Variants in GANAB observed in about 807,000 individuals in gnomAD.
GANAB encodes glucosidase II alpha subunit, also known as neutral alpha-glucosidase AB.
A neutral mutation model predicts 129.9 loss-of-function variants in GANAB; 35 were observed. That is an observed-to-expected ratio of 0.27 (90% CI 0.21 to 0.36). The LOEUF is 0.36. Ranked by LOEUF, GANAB falls within the 10% of genes least tolerant of loss-of-function variation. The pLI is 1.00. For missense variants in GANAB, 939 were observed against 1,221.0 expected (o/e 0.77, Z 3.44); for synonymous variants, 482 against 451.8 (o/e 1.07, Z -0.85).
intron 13 of GANAB, 119 bp downstream of exon 13, chr11:62,630,078 C>T (rs1160225928): frequency 3.1e-6 from 4 of 1,298,348 alleles, no homozygotes; most frequent in Non-Finnish European, 4.4e-6. Context: ...CTCCCCGGAT[C>T]ATCAAGGCCC....
intron 1 of GANAB, among the ~76,000 whole-genome samples, chr11:62,646,326 G>A (rs1266136250): frequency 2.6e-5 from 4 of 152,256 alleles, no homozygotes; most frequent in Non-Finnish European, 5.9e-5. Flanking sequence ...AAGACGCACA[G>A]CTGTGGCTTT....
At chr11:62,628,707 C>T in intron 17 of GANAB, 62 bp downstream of exon 17, 1 of 1,561,142 alleles carries the variant, frequency 6.4e-7, no homozygotes, top group South Asian at 1.1e-5. Context: ...AGAGATGAAG[C>T]CCAGTCCCTA....
chr11:62,625,820 G>A lies in GANAB; in HGVS notation c.2830C>T (p.Arg944Ter), dbSNP rs781470089. 17 of 1,585,896 alleles carry A rather than the reference G, an allele frequency of 1.1e-5. No individual in the cohort carries two copies. Among genetic ancestry groups the A allele is most frequent in the African/African-American group, 4.0e-5 (3 of 74,348 alleles). ...NVASDWSIHL[R>*] is the part of the protein sequence containing the mutation. ...AACCCAGAACATCCCTTGGGTTATC[G>A]CAGGTGAATACTCCAATCAGATGCC... The change falls in exon 24 of 24, where the codon CGA becomes TGA. Residue 944 changes from arginine (R) to a stop codon, truncating the protein, a stop_gained. Coordinates refer to ENST00000356638, the MANE Select transcript of GANAB (RefSeq NM_198334.3). LOFTEE classifies it high-confidence loss of function.
Position 62,630,281 on chromosome 11 carries a change from G to A in GANAB, c.1514-5C>T, listed in dbSNP as rs1244218630. On this transcript the variant is annotated splice_region_variant and splice_polypyrimidine_tract_variant and intron_variant, in intron 12 of 23. Coordinates refer to ENST00000356638, the MANE Select transcript of GANAB (RefSeq NM_198334.3). ...AGTCAGGGTAACCAGCTGAGCCTGGGAGAAGTTAAGGGTGGCTCTCAATCC... is the reference window on the plus strand; with the variant it reads ...AGTCAGGGTAACCAGCTGAGCCTGGAAGAAGTTAAGGGTGGCTCTCAATCC... 6.2e-7 allele frequency: 1 copy of A among 1,613,344 alleles called. No homozygotes were observed. The highest frequency in any genetic ancestry group is 8.5e-7 in the Non-Finnish European group (1 of 1,179,522).
intron 6 of GANAB, 30 bp downstream of exon 6, chr11:62,633,415 T>C (rs765344113): frequency 6.2e-7 from 1 of 1,609,732 alleles, no homozygotes; most frequent in Admixed American, 1.7e-5. Flanking sequence ...GCCAGCCCTA[T>C]CCTCCAACCA....
At chr11:62,633,329 C>T in intron 6 of GANAB, 58 bp from the exon 7 acceptor site, 1 of 1,549,516 alleles carries the variant, frequency 6.5e-7, no homozygotes, top group Non-Finnish European at 8.9e-7. Flanking sequence ...TTTCCCCGCT[C>T]CCATCAACTA....
chr11:62,639,004 A>C lies in GANAB; in HGVS notation c.359T>G (p.Val120Gly). 2.5e-6 allele frequency: 4 copies of C among 1,614,112 alleles called. No individual in the cohort carries two copies. The highest frequency in any genetic ancestry group is 3.4e-6 in the Non-Finnish European group (4 of 1,179,978). The change falls in exon 4 of 24, where the codon GTG becomes GGG. Residue 120 changes from valine (V) to glycine (G), a missense_variant. Physicochemically the swap from Val to Gly is moderately radical, Grantham distance 109. This residue lies in a region of GANAB where 321 missense variants were observed against 329.1 expected (regional missense o/e 0.98). Transcript: ENST00000356638. ...RPRYRVPDVL[V>G]ADPPIARLSV... ...TTACCGGGCTATTGGTGGATCAGCCACCAAAACATCTGGTACACGGTATCG... is the reference window on the plus strand; with the variant it reads ...TTACCGGGCTATTGGTGGATCAGCCCCCAAAACATCTGGTACACGGTATCG...
Position 62,640,316 on chromosome 11 carries a change from G to A in GANAB, c.39-585C>T, listed in dbSNP as rs1312378270. On this transcript the variant is annotated intron_variant, in intron 1 of 23. Transcript: ENST00000356638. ...TGGGAGGCTGAAGTGGGCGGATCAC[G>A]AGGTCAGGAGATCGAGACCATCCTG... Among the ~76,000 whole-genome samples the A allele has an allele frequency of 6.8e-5, 10 of 147,780 alleles. No individual in the cohort carries two copies. In the East Asian group the frequency reaches 1.6e-3, roughly 24 times the overall value.
intron 1 of GANAB, among the ~76,000 whole-genome samples, chr11:62,645,825 G>T (rs977080867): frequency 6.6e-6 from 1 of 152,164 alleles, no homozygotes; most frequent in African/African-American, 2.4e-5. Context: ...TTTCTTCATC[G>T]CTTTGGAGAG....
intron 13 of GANAB, 40 bp from the exon 14 acceptor site, chr11:62,629,997 G>A (rs2134475491): frequency 1.2e-6 from 2 of 1,604,382 alleles, no homozygotes; most frequent in East Asian, 2.2e-5. Flanking sequence ...AAGGACAGAG[G>A]GGAGGAAGAA....
intron 10 of GANAB, 82 bp from the exon 11 acceptor site, chr11:62,630,918 C>T: frequency 6.7e-7 from 1 of 1,481,556 alleles, no homozygotes; most frequent in South Asian, 1.2e-5. Flanking sequence ...GAACTAGAGG[C>T]AGGCTGAGGG....
At chr11:62,635,137 A>C (rs1167577858) in intron 4 of GANAB, 137 bp from the exon 5 acceptor site, 3 of 556,288 alleles carry the variant, frequency 5.4e-6, no homozygotes, top group Non-Finnish European at 9.6e-6. Context: ...ACAAGTTAAT[A>C]AACAGAACCA....
chr11:62,625,292 C>T lies in GANAB; in HGVS notation c.*523G>A, dbSNP rs556867025. The T allele has an allele frequency of 6.6e-6, 3 of 455,726 alleles. No homozygotes were observed. The highest frequency in any genetic ancestry group is 8.8e-6 in the Non-Finnish European group (2 of 226,720). The allele number at this position is 455,726 out of a possible 1,614,324, so 28.2% of individuals were successfully genotyped here. A position where few individuals can be genotyped will look rare whatever the true frequency, so the allele number is the denominator to read the frequency against. ...ACTCCTTTGATCCATTCATCCTGTC[C>T]GGGGTAAGGGGTGGTCCCAGTGTAT... On this transcript the variant is annotated 3_prime_UTR_variant, in exon 24 of 24. Coordinates refer to ENST00000356638, the MANE Select transcript of GANAB (RefSeq NM_198334.3).
At chr11:62,643,185 T>G (rs1035013127) in intron 1 of GANAB, among the ~76,000 whole-genome samples, 2 of 152,244 alleles carry the variant, frequency 1.3e-5, no homozygotes, top group African/African-American at 4.8e-5. Flanking sequence ...GAATAAATCC[T>G]AAACAGAGAT....
intron 4 of GANAB, 146 bp from the exon 5 acceptor site, chr11:62,635,146 CA>C (rs2134505982): frequency 1.9e-6 from 1 of 527,232 alleles, no homozygotes; most frequent in South Asian, 3.1e-5. Flanking sequence ...TAAACAGAAC[CA>C]AAGGGCCCAG....
chr11:62,624,924 G>A lies in GANAB; in HGVS notation c.*891C>T, dbSNP rs542139484. 1.1e-3 allele frequency: 247 copies of A among 233,448 alleles called. No homozygotes were observed. The highest frequency in any genetic ancestry group is 5.6e-3 in the African/African-American group (233 of 41,368). 14.5% of individuals were successfully genotyped at this position (233,448 alleles called of 1,614,324 possible). A position where few individuals can be genotyped will look rare whatever the true frequency, so the allele number is the denominator to read the frequency against. On this transcript the variant is annotated 3_prime_UTR_variant, in exon 24 of 24. Coordinates refer to ENST00000356638, the MANE Select transcript of GANAB (RefSeq NM_198334.3). ...AAAAAAATACCCACAAATATTCCCC[G>A]ACTCCCCATTAGTCCTCCCCCAACC...
chr11:62,640,245 A>AAAAAAAAAC (rs1944175259), intron 1 of GANAB, among the ~76,000 whole-genome samples: 1 of 87,274 alleles, frequency 1.1e-5, no homozygotes, highest in Non-Finnish European at 2.6e-5. Context: ...AAAAAAAAAA[A>AAAAAAAAAC]AAAAAAAGCC....
chr11:62,629,053 G>T lies in GANAB; in HGVS notation c.1937-41C>A, dbSNP rs201965920. On this transcript the variant is annotated intron_variant, in intron 16 of 23. Coordinates refer to ENST00000356638, the MANE Select transcript of GANAB (RefSeq NM_198334.3). ...GAGGAAGCAGGTTGGAAAAGAGGGT[G>T]AAGGAGAGATACTGCTTGAGAAACT... 322 of 1,606,760 alleles carry T rather than the reference G, an allele frequency of 2.0e-4. 1 individual carries two copies. The East Asian group carries it at 5.1e-3, about 25-fold the overall frequency.
chr11:62,632,447 C>G, intron 9 of GANAB, 118 bp downstream of exon 9: 1 of 752,120 alleles, frequency 1.3e-6, no homozygotes, highest in Non-Finnish European at 2.3e-6. Flanking sequence ...TGCTGCCCAC[C>G]AGGCCCACAG....
Sources: allele counts gnomAD v4.1 joint callset (sites outside exome capture counted in the v4.1 genomes callset), GRCh38; gene constraint gnomAD v4.1.1; regional missense constraint gnomAD v4.1.1; transcripts MANE v1.5; gene names NCBI Gene and HGNC (gene_info 2026-07-23, HGNC 2026-07-21).